The following SLC20A2 variants were observed in gnomAD, a reference collection of about 807,000 sequenced individuals.
SLC20A2 encodes the protein solute carrier family 20 member 2.
Under a neutral mutation model 61.0 loss-of-function variants are expected in SLC20A2, and 30 were observed. That is an observed-to-expected ratio of 0.49 (90% CI 0.37 to 0.67). SLC20A2 has a LOEUF of 0.67. Among genes scored for constraint, SLC20A2 ranks in the 30% least tolerant of loss-of-function variants. The probability of loss-of-function intolerance (pLI) is 0.00; values close to 1 mark genes in which losing one functional copy is unlikely to be tolerated. For missense variants in SLC20A2, 626 were observed against 866.4 expected, an observed-to-expected ratio of 0.72 and a Z score of 3.48; for synonymous variants, 351 against 353.3, an observed-to-expected ratio of 0.99 and a Z score of 0.07.
chr8:42,508,700 C>CA (rs2131368871), intron 1 of SLC20A2, among the ~76,000 whole-genome samples: 1 of 152,184 alleles, frequency 6.6e-6, no homozygotes, highest in Admixed American at 6.5e-5. Context: ...CTGGGAGTGG[C>CA]ATTTGAATGG....
intron 2 of SLC20A2, among the ~76,000 whole-genome samples, chr8:42,469,968 TG>T (rs1256864357): frequency 6.6e-6 from 1 of 152,030 alleles, no homozygotes; most frequent in Admixed American, 6.6e-5. Flanking sequence ...GTGTTTTTCT[TG>T]ATTTGTCCCA....
chr8:42,517,404 G>A (rs548936368), intron 1 of SLC20A2, among the ~76,000 whole-genome samples: 171 of 150,988 alleles, frequency 1.1e-3, no homozygotes, highest in African/African-American at 3.6e-3. Flanking sequence ...AAATAAATAA[G>A]TAATAAATAA....
chr8:42,443,277 A>T (rs1452758936), intron 6 of SLC20A2, among the ~76,000 whole-genome samples: 10 of 112,726 alleles, frequency 8.9e-5, no homozygotes, highest in African/African-American at 3.1e-4. Flanking sequence ...ATATATATAT[A>T]TATATATATA....
At chr8:42,427,954 G>C (rs1170477252) in intron 10 of SLC20A2, among the ~76,000 whole-genome samples, 1 of 152,190 alleles carries the variant, frequency 6.6e-6, no homozygotes, top group Non-Finnish European at 1.5e-5. Flanking sequence ...ATCTCAAAGT[G>C]ACTTTCGCTT....
intron 8 of SLC20A2, among the ~76,000 whole-genome samples, chr8:42,430,866 T>G (rs1803817901): frequency 6.6e-6 from 1 of 152,182 alleles, no homozygotes; most frequent in African/African-American, 2.4e-5. Context: ...ACTATTATAA[T>G]TGTTTTGGGG....
At chr8:42,508,276 C>T (rs2131367480) in intron 1 of SLC20A2, among the ~76,000 whole-genome samples, 1 of 152,316 alleles carries the variant, frequency 6.6e-6, no homozygotes, top group African/African-American at 2.4e-5. Context: ...GCCAGGAGTC[C>T]CAGACCAGCC....
In SLC20A2 at chr8:42,428,778, C is replaced by G. The variant is rs1304865552; in HGVS notation, c.1774G>C (p.Val592Leu). The G allele has an allele frequency of 6.2e-7, 1 of 1,611,736 alleles. No individual in the cohort carries two copies. Among genetic ancestry groups the G allele is most frequent in the East Asian group, 2.2e-5 (1 of 44,694 alleles). ...CCTACCTTACAGTGCGTGGTGCTGA[C>G]TGGAAGCCCGATGTTGGAGGCGATC... is the stretch of plus-strand genomic sequence containing the variant. ...VVIASNIGLP[V>L]STTHCKVGSV... Residue 592 changes from valine to leucine, a missense_variant, in exon 10 of 11, where the codon GTC becomes CTC. Physicochemically the swap from Val to Leu is conservative, Grantham distance 32. Around this residue, in one of 3 missense-constraint regions of SLC20A2, gnomAD observed 138 missense variants for 228.7 expected, o/e 0.60. Transcript: ENST00000520262.
intron 1 of SLC20A2, among the ~76,000 whole-genome samples, chr8:42,488,920 A>G (rs1381954715): frequency 7.6e-6 from 1 of 131,118 alleles, no homozygotes; most frequent in Non-Finnish European, 1.6e-5. Context: ...TTTGTTTTTG[A>G]GTTATAGGAG....
In SLC20A2 at chr8:42,527,036, C is replaced by T. The variant is rs562428408; in HGVS notation, c.-265+14785G>A. On this transcript the variant is annotated intron_variant, in intron 1 of 10. Coordinates refer to the SLC20A2 transcript ENST00000342228. ...GGAAGGACTGCTTGAGCCTGAGAAT[C>T]GAGGCTGCAGTGAGCTGAGTTCGTA... is the stretch of plus-strand genomic sequence containing the variant. 3.3e-5 allele frequency among the ~76,000 whole-genome samples: 5 copies of T among 149,656 alleles called. No homozygotes were observed. In the South Asian group the frequency reaches 8.4e-4, roughly 25 times the overall value.
intron 1 of SLC20A2, among the ~76,000 whole-genome samples, chr8:42,532,651 A>T (rs1339441360): frequency 6.6e-6 from 1 of 152,192 alleles, no homozygotes; most frequent in Non-Finnish European, 1.5e-5. Context: ...AATACCTATT[A>T]ATAGAAAAAG....
chr8:42,456,731 C>CAAAAA (rs986357542), intron 5 of SLC20A2, among the ~76,000 whole-genome samples: 1 of 58,554 alleles, frequency 1.7e-5, no homozygotes, highest in Non-Finnish European at 3.4e-5. Context: ...GACTCTGTCT[C>CAAAAA]AAAAAAAAAA....
In SLC20A2 at chr8:42,438,063, C is replaced by CAAAAAAAAAAAAAAAAAA. The variant is rs1391262305; in HGVS notation, c.935-504_935-487dup. Among the ~76,000 whole-genome samples the CAAAAAAAAAAAAAAAAAA allele has an allele frequency of 2.7e-3, 71 of 26,792 alleles. 17 individuals carry two copies. Among genetic ancestry groups the CAAAAAAAAAAAAAAAAAA allele is most frequent in the East Asian group, 9.4e-3 (6 of 638 alleles). The allele number at this position is 26,792 out of a possible 152,430, so 17.6% of individuals were successfully genotyped here. A position where few individuals can be genotyped will look rare whatever the true frequency, so the allele number is the denominator to read the frequency against. ...TATGGTTACCACTAAAAAAAAAAAC[C>CAAAAAAAAAAAAAAAAAA]AAAAAAAAAAAAAAAAAAAAAAAAA... On this transcript the variant is annotated intron_variant, in intron 7 of 10. Transcript: ENST00000520262.
At chr8:42,434,913 AGT>A (rs369304589) in intron 8 of SLC20A2, among the ~76,000 whole-genome samples, 1 of 143,002 alleles carries the variant, frequency 7.0e-6, no homozygotes, top group African/African-American at 3.0e-5. Flanking sequence ...TGCGCATGTG[AGT>A]GTGTGTGCGT....
At chr8:42,486,130 A>C (rs1808985318) in intron 1 of SLC20A2, among the ~76,000 whole-genome samples, 1 of 135,266 alleles carries the variant, frequency 7.4e-6, no homozygotes, top group East Asian at 2.1e-4. Context: ...TCTTTAGCAG[A>C]GCTCTCTCAC....
chr8:42,452,000 AGAG>A lies in SLC20A2; in HGVS notation c.614-7241_614-7239del, dbSNP rs537637844. 9.9e-5 allele frequency among the ~76,000 whole-genome samples: 10 copies of A among 100,856 alleles called. No individual in the cohort carries two copies. In the South Asian group the frequency reaches 3.7e-3, roughly 38 times the overall value. 66.2% of individuals were successfully genotyped at this position (100,856 alleles called of 152,430 possible). ...GAAGAGGAGGAGGAGGAAGAGATGAAGAGGAGGAGGAGGAAGAGATGAAGAGGA... is the reference window on the plus strand; with the variant it reads ...GAAGAGGAGGAGGAGGAAGAGATGAAGAGGAGGAGGAAGAGATGAAGAGGA... On this transcript the variant is annotated intron_variant, in intron 5 of 10. Coordinates refer to ENST00000520262, the MANE Select transcript of SLC20A2 (RefSeq NM_001257180.2).
rs1327026048 is a variant in SLC20A2 at position 42,424,329 on chromosome 8, C to T, written c.1794+4429G>A. ...CAATTAAGGCTTTTTTTGGGGGGTG[C>T]GGGGGGGGATAGTTTTGCTCTTGTT... On this transcript the variant is annotated intron_variant, in intron 10 of 10. Transcript: ENST00000520262. Among the ~76,000 whole-genome samples, 5 of 91,812 alleles carry T rather than the reference C, an allele frequency of 5.4e-5. 1 individual carries two copies. In the South Asian group the frequency reaches 1.3e-3, roughly 24 times the overall value. 60.2% of individuals were successfully genotyped at this position (91,812 alleles called of 152,430 possible). A position where few individuals can be genotyped will look rare whatever the true frequency, so the allele number is the denominator to read the frequency against.
chr8:42,419,934 T>A (rs2130914875), intron 10 of SLC20A2, among the ~76,000 whole-genome samples: 1 of 152,318 alleles, frequency 6.6e-6, no homozygotes, highest in South Asian at 2.1e-4. Flanking sequence ...ATGCTTGTAA[T>A]CCCAGCACTT....
At chr8:42,487,792 T>C (rs1809151527) in intron 1 of SLC20A2, among the ~76,000 whole-genome samples, 1 of 152,238 alleles carries the variant, frequency 6.6e-6, no homozygotes, top group Non-Finnish European at 1.5e-5. Context: ...TACGGTTCAG[T>C]GGCGTTAGGT....
rs35343530 is a variant in SLC20A2 at position 42,478,212 on chromosome 8, C to CTTTTTTTT, written c.-264-5566_-264-5559dup. 1.9e-4 allele frequency among the ~76,000 whole-genome samples: 24 copies of CTTTTTTTT among 127,522 alleles called. 1 individual carries two copies. Among genetic ancestry groups the CTTTTTTTT allele is most frequent in the Non-Finnish European group, 2.4e-4 (15 of 61,548 alleles). 83.7% of individuals were successfully genotyped at this position (127,522 alleles called of 152,430 possible). A position where few individuals can be genotyped will look rare whatever the true frequency, so the allele number is the denominator to read the frequency against. On this transcript the variant is annotated intron_variant, in intron 1 of 10. Coordinates refer to ENST00000520262, the MANE Select transcript of SLC20A2 (RefSeq NM_001257180.2). ...TGGCAATTTCTTTTCTTTTCCTTTT[C>CTTTTTTTT]TTTTTTTTTTTTTTTTTGAGATGTA...
Sources: gnomAD v4.1 joint callset for allele counts (sites outside exome capture counted in the v4.1 genomes callset) on GRCh38, gnomAD v4.1.1 for gene constraint, gnomAD v4.1.1 regional missense constraint, MANE v1.5 for transcripts, NCBI Gene and HGNC (gene_info 2026-07-23, HGNC 2026-07-21) for gene names.